RASGEF1C: variants seen among roughly 807,000 people sequenced by gnomAD.
RASGEF1C encodes the protein RasGEF domain family member 1C, also known as ras-GEF domain-containing family member 1C.
RASGEF1C carries 27 observed loss-of-function variants against 58.1 expected under a neutral mutation model. The observed-to-expected ratio is 0.46, with a 90% CI of 0.34 to 0.64. RASGEF1C has a LOEUF of 0.64. Among genes scored for constraint, RASGEF1C ranks in the 30% least tolerant of loss-of-function variants. The probability of loss-of-function intolerance (pLI) is 0.01; values close to 1 mark genes in which losing one functional copy is unlikely to be tolerated. For missense variants in RASGEF1C, 502 were observed against 605.1 expected, an observed-to-expected ratio of 0.83 and a Z score of 1.79; for synonymous variants, 243 against 246.3, an observed-to-expected ratio of 0.99 and a Z score of 0.13.
At chr5:180,135,644 G>A (rs780674604) in intron 4 of RASGEF1C, among the ~76,000 whole-genome samples, 9 of 152,210 alleles carry the variant, frequency 5.9e-5, no homozygotes, top group Non-Finnish European at 1.0e-4. Context: ...GTGAGGCTTG[G>A]AGACCCTTCA....
At chr5:180,120,280 G>A (rs192281352) in intron 7 of RASGEF1C, among the ~76,000 whole-genome samples, 3 of 152,306 alleles carry the variant, frequency 2.0e-5, no homozygotes, top group Admixed American at 6.5e-5. Context: ...AGGGCAGTCC[G>A]CCCTGTGATG....
At chr5:180,122,754 A>C (rs1225902520) in intron 6 of RASGEF1C, among the ~76,000 whole-genome samples, 2 of 146,154 alleles carry the variant, frequency 1.4e-5, no homozygotes, top group Non-Finnish European at 3.0e-5. Flanking sequence ...AAAAAAAAAA[A>C]AAACTAAAAC....
intron 10 of RASGEF1C, among the ~76,000 whole-genome samples, chr5:180,116,126 C>T (rs905582850): frequency 3.9e-5 from 6 of 152,162 alleles, no homozygotes; most frequent in Non-Finnish European, 8.8e-5. Flanking sequence ...TCACCCCTTC[C>T]GCCATGGCCA....
intron 1 of RASGEF1C, among the ~76,000 whole-genome samples, chr5:180,140,724 C>T (rs1298240194): frequency 6.6e-6 from 1 of 152,230 alleles, no homozygotes; most frequent in Non-Finnish European, 1.5e-5. Context: ...GCCAGCTCCT[C>T]CTCCCTCCAG....
chr5:180,126,178 C>T (rs927470371), intron 6 of RASGEF1C, among the ~76,000 whole-genome samples: 21 of 152,162 alleles, frequency 1.4e-4, no homozygotes, highest in Non-Finnish European at 2.8e-4. Context: ...GAGGCCGAGG[C>T]GGGCAGATCA....
intron 1 of RASGEF1C, among the ~76,000 whole-genome samples, chr5:180,145,176 C>A (rs77573001): frequency 1.3e-5 from 2 of 151,798 alleles, no homozygotes; most frequent in Non-Finnish European, 2.9e-5. Flanking sequence ...GCTGGAGTGC[C>A]GTGGTGCAAT....
chr5:180,128,198 C>T (rs1766296713), intron 5 of RASGEF1C, among the ~76,000 whole-genome samples: 1 of 152,224 alleles, frequency 6.6e-6, no homozygotes, highest in South Asian at 2.1e-4. Context: ...CATCAACCCT[C>T]AGTCTCAAAG....
intron 12 of RASGEF1C, among the ~76,000 whole-genome samples, chr5:180,105,038 C>A (rs867140983): frequency 2.6e-5 from 4 of 152,284 alleles, no homozygotes; most frequent in Middle Eastern, 3.4e-3. Context: ...GTCTTGGATC[C>A]CTTTTCCATC....
At chr5:180,202,715 T>C (rs1354329859) in intron 1 of RASGEF1C, among the ~76,000 whole-genome samples, 2 of 151,756 alleles carry the variant, frequency 1.3e-5, no homozygotes, top group Non-Finnish European at 2.9e-5. Flanking sequence ...TCTTTTTTTT[T>C]TTTTTTTGAG....
intron 6 of RASGEF1C, among the ~76,000 whole-genome samples, chr5:180,121,681 A>ACACACAC (rs71892414): frequency 8.2e-5 from 6 of 73,466 alleles, no homozygotes; most frequent in Admixed American, 1.8e-4. Flanking sequence ...ACACACACAC[A>ACACACAC]CCCTCATTAT....
At chr5:180,182,497 T>G (rs553489339) in intron 1 of RASGEF1C, among the ~76,000 whole-genome samples, 5 of 152,312 alleles carry the variant, frequency 3.3e-5, no homozygotes, top group Non-Finnish European at 4.4e-5. Context: ...GATGGCCAGC[T>G]TTTATTCCCT....
At chr5:180,136,792 T>A (rs941807890) in intron 3 of RASGEF1C, 1 of 473,816 alleles carries the variant, frequency 2.1e-6, no homozygotes, top group Non-Finnish European at 3.8e-6. Context: ...GAGTGGGGAG[T>A]CCTCAGAGCA....
Position 180,101,540 on chromosome 5 carries a change from A to T in RASGEF1C, c.1377-15T>A, listed in dbSNP as rs1259431985. ...AAATAGAAGATCTGCAGATTTAAGC[A>T]TGTCGGGAGCGGTGAGAGCCTGGAG... is the stretch of plus-strand genomic sequence containing the variant. On this transcript the variant is annotated splice_polypyrimidine_tract_variant and intron_variant, in intron 13 of 13. Coordinates refer to ENST00000361132, the MANE Select transcript of RASGEF1C (RefSeq NM_175062.4). 1 of 1,611,972 alleles carries T rather than the reference A, an allele frequency of 6.2e-7. No homozygotes were observed.
At chr5:180,115,688 G>A (rs1280508566) in intron 10 of RASGEF1C, among the ~76,000 whole-genome samples, 1 of 152,172 alleles carries the variant, frequency 6.6e-6, no homozygotes, top group African/African-American at 2.4e-5. Context: ...ATCTTTACAT[G>A]GTCCTGTGAA....
intron 1 of RASGEF1C, among the ~76,000 whole-genome samples, chr5:180,170,749 C>T (rs1056956601): frequency 3.3e-5 from 5 of 152,258 alleles, no homozygotes; most frequent in Non-Finnish European, 7.3e-5. Flanking sequence ...GGCCTGCCTG[C>T]CTGGCCACCT....
At chr5:180,152,543 T>C (rs1431306775) in intron 1 of RASGEF1C, among the ~76,000 whole-genome samples, 1 of 113,566 alleles carries the variant, frequency 8.8e-6, no homozygotes, top group Non-Finnish European at 1.6e-5. Flanking sequence ...AAGGGGAACA[T>C]CACACACCGG....
intron 1 of RASGEF1C, among the ~76,000 whole-genome samples, chr5:180,204,008 AAAC>A (rs57771575): frequency 2.4e-4 from 34 of 140,960 alleles, no homozygotes; most frequent in South Asian, 6.8e-4. Flanking sequence ...ACAAACAAAC[AAAC>A]AACAACAACA....
At chr5:180,111,327 C>A in intron 12 of RASGEF1C, 130 bp downstream of exon 12, 1 of 1,255,606 alleles carries the variant, frequency 8.0e-7, no homozygotes. Flanking sequence ...TCCTTGTTCC[C>A]TCCCGGAGCC....
Position 180,101,609 on chromosome 5 carries a change from C to T in RASGEF1C, c.1377-84G>A, listed in dbSNP as rs1765786183. The T allele has an allele frequency of 3.9e-6, 6 of 1,544,794 alleles. No individual in the cohort carries two copies. The South Asian group carries it at 5.7e-5, about 15-fold the overall frequency. ...CTGCTCTCCAGCACAGCCACTTTCT[C>T]AGTGCGCTGAGGAGAGCCAGCCTCC... On this transcript the variant is annotated intron_variant, in intron 13 of 13. Transcript: ENST00000361132.
Sources: allele counts gnomAD v4.1 joint callset (sites outside exome capture counted in the v4.1 genomes callset), GRCh38; gene constraint gnomAD v4.1.1; transcripts MANE v1.5; gene names NCBI Gene and HGNC (gene_info 2026-07-23, HGNC 2026-07-21).